BBS9: variants seen among roughly 807,000 people sequenced by gnomAD.
The protein encoded by BBS9 is protein PTHB1.
In BBS9, 89 loss-of-function variants were observed where a neutral mutation model predicts 117.7. The observed-to-expected ratio is 0.76, with a 90% CI of 0.64 to 0.90. The LOEUF is 0.90. Among genes scored for constraint, BBS9 ranks in the 40% least tolerant of loss-of-function variants. The probability of loss-of-function intolerance (pLI) is 0.00; values close to 1 mark genes in which losing one functional copy is unlikely to be tolerated. For missense variants in BBS9, 982 were observed against 1,042.2 expected, an observed-to-expected ratio of 0.94 and a Z score of 0.80; for synonymous variants, 379 against 370.9, an observed-to-expected ratio of 1.02 and a Z score of -0.25.
At chr7:33,393,565 A>T (rs1827431891) in intron 19 of BBS9, among the ~76,000 whole-genome samples, 3 of 152,170 alleles carry the variant, frequency 2.0e-5, no homozygotes, top group African/African-American at 7.2e-5. Flanking sequence ...GACACCTGGG[A>T]GTTCAGATGC....
intron 21 of BBS9, among the ~76,000 whole-genome samples, chr7:33,633,510 C>CTTTCTTTTTTT (rs1562547870): frequency 2.0e-5 from 2 of 98,462 alleles, no homozygotes; most frequent in Non-Finnish European, 2.1e-5. Flanking sequence ...TAACTTTTTT[C>CTTTCTTTTTTT]TTTTTTTTTT....
At chr7:33,173,967 AC>A (rs892553282) in intron 4 of BBS9, among the ~76,000 whole-genome samples, 1 of 152,140 alleles carries the variant, frequency 6.6e-6, no homozygotes, top group Non-Finnish European at 1.5e-5. Context: ...CAAGAGCTAA[AC>A]TTTATACCGC....
At chr7:33,632,144 T>A (rs564363588) in intron 21 of BBS9, among the ~76,000 whole-genome samples, 1 of 151,944 alleles carries the variant, frequency 6.6e-6, no homozygotes, top group East Asian at 1.9e-4. Context: ...CATAAGTGGG[T>A]TTTCTTTAGT....
intron 21 of BBS9, among the ~76,000 whole-genome samples, chr7:33,577,100 A>G (rs1003024575): frequency 2.6e-5 from 4 of 152,214 alleles, no homozygotes; most frequent in Admixed American, 1.3e-4. Context: ...AGAAGTTACC[A>G]TCAGAGTGAA....
chr7:33,489,573 A>T (rs1487027121), intron 19 of BBS9, among the ~76,000 whole-genome samples: 2 of 152,072 alleles, frequency 1.3e-5, no homozygotes, highest in African/African-American at 4.8e-5. Flanking sequence ...TCAACTTCTG[A>T]TATACCAGAA....
In BBS9 at chr7:33,248,985, G is replaced by A. The variant is rs182341431; in HGVS notation, c.443-8251G>A. On this transcript the variant is annotated intron_variant, in intron 5 of 22. Coordinates refer to ENST00000242067, the MANE Select transcript of BBS9 (RefSeq NM_198428.3). ...TTCTTCACTTGTATTTTTACTCAAT[G>A]TGTAAAAGAAATATGAGCATAGAGA... Among the ~76,000 whole-genome samples, 42 of 152,252 alleles carry A rather than the reference G, an allele frequency of 2.8e-4. No individual in the cohort carries two copies. The East Asian group carries it at 7.3e-3, about 27-fold the overall frequency.
At chr7:33,580,110 A>G (rs766997656) in intron 21 of BBS9, among the ~76,000 whole-genome samples, 4 of 152,012 alleles carry the variant, frequency 2.6e-5, no homozygotes, top group Non-Finnish European at 4.4e-5. Context: ...ATAGGTACTT[A>G]TTACCCCCCT....
intron 20 of BBS9, among the ~76,000 whole-genome samples, chr7:33,509,098 T>C (rs1470609429): frequency 6.6e-6 from 1 of 152,190 alleles, no homozygotes; most frequent in African/African-American, 2.4e-5. Context: ...TTTGGAGTCA[T>C]TAATGAGACA....
chr7:33,199,501 T>C (rs960848771), intron 5 of BBS9, among the ~76,000 whole-genome samples: 1 of 151,910 alleles, frequency 6.6e-6, no homozygotes, highest in Non-Finnish European at 1.5e-5. Context: ...TATGGAATAG[T>C]TGAGCTCTTT....
Position 33,195,735 on chromosome 7 carries a change from C to A in BBS9, c.442+18144C>A, listed in dbSNP as rs75735222. On this transcript the variant is annotated intron_variant, in intron 5 of 22. Coordinates refer to ENST00000242067, the MANE Select transcript of BBS9 (RefSeq NM_198428.3). ...ACATCTTTTCATCTGTAACACTTTT[C>A]TCTCTGTGTCCTGTGAAAATTCATT... Among the ~76,000 whole-genome samples the A allele has an allele frequency of 4.9e-5, 5 of 102,058 alleles. No homozygotes were observed. In the East Asian group the frequency reaches 1.3e-3, roughly 27 times the overall value. The allele number at this position is 102,058 out of a possible 152,430, so 67.0% of individuals were successfully genotyped here.
At chr7:33,527,085 TGAG>T (rs1218242293) in intron 20 of BBS9, among the ~76,000 whole-genome samples, 2 of 151,906 alleles carry the variant, frequency 1.3e-5, no homozygotes, top group Non-Finnish European at 2.9e-5. Context: ...GGCACCCACT[TGAG>T]GAGGCAGTCT....
At chr7:33,545,353 T>G (rs1343870620) in intron 21 of BBS9, among the ~76,000 whole-genome samples, 2 of 152,146 alleles carry the variant, frequency 1.3e-5, no homozygotes, top group Non-Finnish European at 2.9e-5. Flanking sequence ...ATGGGCTACT[T>G]GGGGACCCAG....
At chr7:33,515,075 T>C (rs1452996364) in intron 20 of BBS9, among the ~76,000 whole-genome samples, 2 of 152,080 alleles carry the variant, frequency 1.3e-5, no homozygotes, top group Non-Finnish European at 2.9e-5. Flanking sequence ...ATGACAACAA[T>C]GCCATCTACT....
intron 9 of BBS9, among the ~76,000 whole-genome samples, chr7:33,326,372 G>C (rs1010264927): frequency 3.9e-5 from 6 of 152,050 alleles, no homozygotes; most frequent in Admixed American, 3.9e-4. Flanking sequence ...ATGCTGCCAG[G>C]CTTGAGCAGT....
At chr7:33,206,567 C>T (rs1786966924) in intron 5 of BBS9, among the ~76,000 whole-genome samples, 1 of 152,060 alleles carries the variant, frequency 6.6e-6, no homozygotes, top group Non-Finnish European at 1.5e-5. Context: ...CTTGCTCTGT[C>T]TCCTTCTCTC....
intron 19 of BBS9, among the ~76,000 whole-genome samples, chr7:33,468,635 T>C (rs1346818088): frequency 6.6e-6 from 1 of 152,158 alleles, no homozygotes; most frequent in Admixed American, 6.6e-5. Flanking sequence ...TTTGTTCCCG[T>C]TAACCAACCT....
At chr7:33,517,115 T>G (rs1302933014) in intron 20 of BBS9, among the ~76,000 whole-genome samples, 1 of 152,220 alleles carries the variant, frequency 6.6e-6, no homozygotes, top group East Asian at 1.9e-4. Flanking sequence ...CTAACTAGAT[T>G]TCTCTATTTT....
chr7:33,394,567 A>T (rs1827628804), intron 19 of BBS9, among the ~76,000 whole-genome samples: 1 of 152,214 alleles, frequency 6.6e-6, no homozygotes, highest in South Asian at 2.1e-4. Flanking sequence ...GTTAAAACTA[A>T]TAAAATTTTG....
In BBS9 at chr7:33,597,493, G is replaced by A. The variant is rs1863043262; in HGVS notation, c.2522-7372G>A. Among the ~76,000 whole-genome samples the A allele has an allele frequency of 3.9e-5, 6 of 152,070 alleles. No homozygotes were observed. In the South Asian group the frequency reaches 1.2e-3, roughly 32 times the overall value. The stretch of plus-strand genomic sequence containing the variant: ...AGAAAAGATTTTCTCCTCTGTGAAG[G>A]AGTGGGACACTCTCATCCAATACCC... On this transcript the variant is annotated intron_variant, in intron 21 of 22. Coordinates refer to ENST00000242067, the MANE Select transcript of BBS9 (RefSeq NM_198428.3).
Sources: gnomAD v4.1 joint callset for allele counts (sites outside exome capture counted in the v4.1 genomes callset) on GRCh38, gnomAD v4.1.1 for gene constraint, MANE v1.5 for transcripts, NCBI Gene and HGNC (gene_info 2026-07-23, HGNC 2026-07-21) for gene names.